The following SFXN1 variants were observed in gnomAD, a reference collection of about 807,000 sequenced individuals.
The protein encoded by SFXN1 is sideroflexin-1.
SFXN1 carries 32 observed loss-of-function variants against 39.5 expected under a neutral mutation model. The ratio of observed to expected loss-of-function variants is 0.81; its 90% CI spans 0.61 to 1.09. SFXN1 has a LOEUF of 1.09. Among genes scored for constraint, SFXN1 ranks in the 50% least tolerant of loss-of-function variants. The probability of loss-of-function intolerance (pLI) is 0.00; values close to 1 mark genes in which losing one functional copy is unlikely to be tolerated. For missense variants in SFXN1, 402 were observed against 407.1 expected (o/e 0.99, Z 0.11); for synonymous variants, 136 against 146.5 (o/e 0.93, Z 0.52).
rs150988002 is a variant in SFXN1 at position 175,509,230 on chromosome 5, T to C, written c.335+28T>C. ...ATGTTATGAATATGTAGCAACAGTG[T>C]GTTTACCATTACAGAAGCTCAAAGT... is the stretch of plus-strand genomic sequence containing the variant. On this transcript the variant is annotated intron_variant, in intron 3 of 10. Coordinates refer to ENST00000321442, the MANE Select transcript of SFXN1 (RefSeq NM_022754.7). The C allele has an allele frequency of 2.9e-3, 4,611 of 1,564,866 alleles. 94 individuals carry two copies. The East Asian group carries it at 0.054, about 18-fold the overall frequency.
chr5:175,515,808 G>T (rs1561673259), intron 7 of SFXN1, among the ~76,000 whole-genome samples: 1 of 152,116 alleles, frequency 6.6e-6, no homozygotes, highest in Admixed American at 6.5e-5. Context: ...GTGTACTTTA[G>T]TTCTATTATT....
At chr5:175,482,706 C>T (rs1044440868) in intron 1 of SFXN1, among the ~76,000 whole-genome samples, 1 of 152,176 alleles carries the variant, frequency 6.6e-6, no homozygotes, top group Non-Finnish European at 1.5e-5. Context: ...CTCTATGAGC[C>T]AACTCTTACC....
At chr5:175,488,305 CTTT>C (rs541900398) in intron 1 of SFXN1, among the ~76,000 whole-genome samples, 2 of 143,222 alleles carry the variant, frequency 1.4e-5, no homozygotes. Context: ...AGATGCATTT[CTTT>C]TTTTTTTTTT....
intron 1 of SFXN1, among the ~76,000 whole-genome samples, chr5:175,480,396 G>A (rs62386247): frequency 0.051 from 7,653 of 150,424 alleles, 315 homozygotes; most frequent in Non-Finnish European, 0.075. Context: ...GCAAGACTCC[G>A]TCTTAAAAAA....
chr5:175,521,397 G>A (rs1304541280), intron 8 of SFXN1, among the ~76,000 whole-genome samples: 1 of 152,168 alleles, frequency 6.6e-6, no homozygotes, highest in African/African-American at 2.4e-5. Flanking sequence ...ATATGTTCCA[G>A]CCACCATACT....
chr5:175,501,407 C>G (rs1308031536), intron 2 of SFXN1, among the ~76,000 whole-genome samples: 1 of 151,864 alleles, frequency 6.6e-6, no homozygotes, highest in Non-Finnish European at 1.5e-5. Flanking sequence ...TAAGAATGGA[C>G]AATTATCAAT....
chr5:175,511,463 A>C lies in SFXN1; in HGVS notation c.447A>C (p.Thr149=). ...TTTTTCTTTTCAGTGAGTTGGGAACAGCTTACGTTTCTGCAACAACTGGTG... is the reference window on the plus strand; with the variant it reads ...TTTTTCTTTTCAGTGAGTTGGGAACCGCTTACGTTTCTGCAACAACTGGTG... ...DAPLTVNELG[T]AYVSATTGAV... is the part of the protein sequence containing the mutation. The change falls in exon 5 of 11, where the codon ACA becomes ACC. Residue 149 remains threonine (T), a synonymous_variant. Coordinates refer to ENST00000321442, the MANE Select transcript of SFXN1 (RefSeq NM_022754.7). The C allele has an allele frequency of 1.2e-6, 2 of 1,614,110 alleles. No homozygotes were observed. Among genetic ancestry groups the C allele is most frequent in the Non-Finnish European group, 8.5e-7 (1 of 1,179,990 alleles).
intron 2 of SFXN1, among the ~76,000 whole-genome samples, chr5:175,501,092 AGAGTCTC>A (rs1181966909): frequency 7.3e-6 from 1 of 136,062 alleles, no homozygotes; most frequent in African/African-American, 3.0e-5. Context: ...TTTTTGAGAC[AGAGTCTC>A]GCTCTGTCAC....
intron 2 of SFXN1, among the ~76,000 whole-genome samples, chr5:175,504,713 C>T (rs909825690): frequency 1.3e-5 from 2 of 151,984 alleles, no homozygotes; most frequent in African/African-American, 4.8e-5. Context: ...GTTTTTTATT[C>T]ACTTCATAAG....
intron 8 of SFXN1, among the ~76,000 whole-genome samples, 199 bp downstream of exon 8, chr5:175,516,862 T>G (rs975233004): frequency 6.6e-6 from 1 of 152,226 alleles, no homozygotes; most frequent in African/African-American, 2.4e-5. Flanking sequence ...AAATAAAGAC[T>G]GCCACTATTG....
chr5:175,525,324 A>G (rs1761024225), intron 10 of SFXN1, among the ~76,000 whole-genome samples: 1 of 152,208 alleles, frequency 6.6e-6, no homozygotes, highest in Admixed American at 6.5e-5. Context: ...CTGTACAATT[A>G]TAATACTGGA....
At position 175,521,928 on chromosome 5, in the gene SFXN1, T is replaced by C; in HGVS notation, c.784T>C (p.Trp262Arg). 1 of 1,599,722 alleles carries C rather than the reference T, an allele frequency of 6.3e-7. No homozygotes were observed. The highest frequency in any genetic ancestry group is 8.5e-7 in the Non-Finnish European group (1 of 1,170,306). ...TTATTTCTCAACACAGAGGTTCCCA[T>C]GGATGAGTGCACCCATTCAAGTTGG... ...EKKAFLKRFP[W>R]MSAPIQVGLV... Residue 262 changes from tryptophan (W) to arginine (R), a missense_variant, in exon 9 of 11, where the codon TGG becomes CGG. Coordinates refer to ENST00000321442, the MANE Select transcript of SFXN1 (RefSeq NM_022754.7).
chr5:175,528,794 T>TC lies in SFXN1; in HGVS notation c.*2061dup, dbSNP rs1761154606. ...GACAGATTCTGTTGTCCTCGACGCG[T>TC]CTCTTTATAAAGTGGTAAAAGCCTG... On this transcript the variant is annotated 3_prime_UTR_variant, in exon 11 of 11. Transcript: ENST00000321442. 1 of 152,176 alleles carries TC rather than the reference T, an allele frequency of 6.6e-6. No homozygotes were observed. The highest frequency in any genetic ancestry group is 2.4e-5 in the African/African-American group (1 of 41,442). The allele number at this position is 152,176 out of a possible 1,614,324, so 9.4% of individuals were successfully genotyped here. A position where few individuals can be genotyped will look rare whatever the true frequency, so the allele number is the denominator to read the frequency against.
At chr5:175,492,833 G>A (rs1178539105) in intron 2 of SFXN1, among the ~76,000 whole-genome samples, 5 of 152,152 alleles carry the variant, frequency 3.3e-5, no homozygotes, top group African/African-American at 9.7e-5. Context: ...GATATTCCAA[G>A]GCAGCAGTTG....
chr5:175,504,988 A>G (rs1454644521), intron 2 of SFXN1, among the ~76,000 whole-genome samples: 2 of 152,114 alleles, frequency 1.3e-5, no homozygotes, highest in Non-Finnish European at 2.9e-5. Flanking sequence ...TCGGTCTCCC[A>G]AAGTACTGGG....
At chr5:175,490,546 G>C (rs1218612176) in intron 1 of SFXN1, among the ~76,000 whole-genome samples, 2 of 152,174 alleles carry the variant, frequency 1.3e-5, no homozygotes, top group Non-Finnish European at 2.9e-5. Context: ...CACTAAGAAA[G>C]TAACTTAAGG....
At chr5:175,521,665 G>A (rs915876826) in intron 8 of SFXN1, among the ~76,000 whole-genome samples, 1 of 152,198 alleles carries the variant, frequency 6.6e-6, no homozygotes, top group East Asian at 1.9e-4. Context: ...TACCCAAGCA[G>A]TGCTCAGATT....
chr5:175,503,243 C>G (rs918763801), intron 2 of SFXN1, among the ~76,000 whole-genome samples: 1 of 152,006 alleles, frequency 6.6e-6, no homozygotes, highest in Non-Finnish European at 1.5e-5. Flanking sequence ...CTCAATAAAG[C>G]TGATTTAATT....
At chr5:175,504,837 T>G (rs1760226357) in intron 2 of SFXN1, among the ~76,000 whole-genome samples, 1 of 151,910 alleles carries the variant, frequency 6.6e-6, no homozygotes, top group Non-Finnish European at 1.5e-5. Context: ...CACGCCATTC[T>G]CCTGCCTCAG....
Sources: allele counts gnomAD v4.1 joint callset (sites outside exome capture counted in the v4.1 genomes callset), GRCh38; gene constraint gnomAD v4.1.1; transcripts MANE v1.5; gene names NCBI Gene and HGNC (gene_info 2026-07-23, HGNC 2026-07-21).